ANKRD12: variants seen among roughly 807,000 people sequenced by gnomAD.
ANKRD12 encodes the protein ankyrin repeat domain 12, also known as ankyrin repeat domain-containing protein 12.
A neutral mutation model predicts 183.4 loss-of-function variants in ANKRD12; 85 were observed. That is an observed-to-expected ratio of 0.46 (90% CI 0.39 to 0.56). The LOEUF is 0.56. Among genes scored for constraint, ANKRD12 ranks in the 20% least tolerant of loss-of-function variants. ANKRD12 has a pLI of 0.00. For synonymous variants in ANKRD12, 914 were observed against 800.2 expected, an observed-to-expected ratio of 1.14 and a Z score of -2.40; for missense variants, 2,405 against 2,357.1, an observed-to-expected ratio of 1.02 and a Z score of -0.42.
At chr18:9,271,398 G>A (rs368144527) in intron 10 of ANKRD12, among the ~76,000 whole-genome samples, 15 of 152,098 alleles carry the variant, frequency 9.9e-5, no homozygotes, top group East Asian at 5.8e-4. Flanking sequence ...GGCGGCACAC[G>A]CGTTTAGCAA....
intron 2 of ANKRD12, among the ~76,000 whole-genome samples, chr18:9,192,751 G>C (rs913083341): frequency 1.3e-5 from 2 of 151,052 alleles, no homozygotes; most frequent in African/African-American, 4.9e-5. Context: ...CTGTCACCCA[G>C]CCTGGAATGC....
rs1418803035 is a variant in ANKRD12 at position 9,284,681 on chromosome 18, C to T, written c.*3555C>T. On this transcript the variant is annotated 3_prime_UTR_variant, in exon 13 of 13. Transcript: ENST00000262126. ...AAAATGGAGTTTTTTTTTAAGCCTC[C>T]ACAGAGATAGTCACCCAAAGTATTT... The T allele has an allele frequency of 6.6e-6, 1 of 151,742 alleles. No homozygotes were observed. Among genetic ancestry groups the T allele is most frequent in the Non-Finnish European group, 1.5e-5 (1 of 67,942 alleles). The allele number at this position is 151,742 out of a possible 1,614,324, so 9.4% of individuals were successfully genotyped here. A position where few individuals can be genotyped will look rare whatever the true frequency, so the allele number is the denominator to read the frequency against.
chr18:9,211,789 G>C lies in ANKRD12; in HGVS notation c.652+5G>C. The C allele has an allele frequency of 1.2e-6, 2 of 1,610,866 alleles. No homozygotes were observed. The highest frequency in any genetic ancestry group is 2.2e-5 in the South Asian group (2 of 90,894). ...TGAATGTGAAAGATTTTGCAGGTAA[G>C]ACTAGTAATTCAATACCTACTATTC... On this transcript the variant is annotated splice_donor_5th_base_variant and intron_variant, in intron 6 of 12. Transcript: ENST00000262126.
chr18:9,186,734 G>A (rs938850369), intron 2 of ANKRD12, among the ~76,000 whole-genome samples: 4 of 144,624 alleles, frequency 2.8e-5, no homozygotes, highest in Non-Finnish European at 6.1e-5. Flanking sequence ...TTTGCAATGT[G>A]TATTTCTTTG....
chr18:9,255,293 TACAAAAC>T lies in ANKRD12; in HGVS notation c.2027_2033del (p.Tyr676LeufsTer34). The T allele has an allele frequency of 6.3e-7, 1 of 1,577,440 alleles. No individual in the cohort carries two copies. The highest frequency in any genetic ancestry group is 2.0e-5 in the Admixed American group (1 of 48,792). On this transcript the variant is annotated frameshift_variant, in exon 9 of 13. Coordinates refer to ENST00000262126, the MANE Select transcript of ANKRD12 (RefSeq NM_015208.5). LOFTEE classifies it high-confidence loss of function. The stretch of plus-strand genomic sequence containing the variant: ...AGAAATTGAAGGTGAAAAGGAAAAA[TACAAAAC>T]TAAGGATAGTGCCAAAGAACTGCAG...
intron 1 of ANKRD12, among the ~76,000 whole-genome samples, chr18:9,142,051 C>T (rs1183412890): frequency 1.3e-5 from 2 of 152,114 alleles, no homozygotes; most frequent in Non-Finnish European, 2.9e-5. Context: ...TCTTAGCCAC[C>T]TTACCTTGCT....
chr18:9,186,706 C>G (rs2034087159), intron 2 of ANKRD12, among the ~76,000 whole-genome samples: 1 of 150,036 alleles, frequency 6.7e-6, no homozygotes, highest in Non-Finnish European at 1.5e-5. Context: ...GAAGGCATGA[C>G]CATCATTCAT....
chr18:9,239,987 C>G (rs1044960060), intron 8 of ANKRD12, among the ~76,000 whole-genome samples: 1 of 152,098 alleles, frequency 6.6e-6, no homozygotes, highest in African/African-American at 2.4e-5. Flanking sequence ...GAGCTTGTGC[C>G]AGAATGTCTG....
chr18:9,171,451 A>G (rs1175306948), intron 1 of ANKRD12, among the ~76,000 whole-genome samples: 1 of 152,082 alleles, frequency 6.6e-6, no homozygotes, highest in Non-Finnish European at 1.5e-5. Flanking sequence ...GTTATGTGTG[A>G]ATTTGATCCT....
chr18:9,266,799 C>T (rs2039315057), intron 10 of ANKRD12, among the ~76,000 whole-genome samples: 1 of 152,084 alleles, frequency 6.6e-6, no homozygotes, highest in South Asian at 2.1e-4. Context: ...GCTAAATGCT[C>T]CAATTAAAAG....
chr18:9,165,863 T>TC (rs1295165829), intron 1 of ANKRD12, among the ~76,000 whole-genome samples: 60 of 94,118 alleles, frequency 6.4e-4, no homozygotes, highest in South Asian at 1.0e-3. Context: ...ATGCTATCCC[T>TC]CCCCCCCTCC....
intron 1 of ANKRD12, among the ~76,000 whole-genome samples, chr18:9,180,225 G>A (rs1466702641): frequency 2.6e-5 from 4 of 152,006 alleles, no homozygotes; most frequent in Admixed American, 6.6e-5. Flanking sequence ...GTCCCTCTTC[G>A]TTCTGAAGTC....
intron 4 of ANKRD12, 57 bp downstream of exon 4, chr18:9,204,601 T>A: frequency 8.0e-7 from 1 of 1,246,262 alleles, no homozygotes; most frequent in Non-Finnish European, 1.1e-6. Context: ...CATTTACAAT[T>A]AATTATTGTA....
intron 2 of ANKRD12, among the ~76,000 whole-genome samples, chr18:9,186,195 C>T (rs1225026199): frequency 7.0e-6 from 1 of 143,122 alleles, no homozygotes; most frequent in African/African-American, 2.6e-5. Context: ...GGCTGGAGTG[C>T]AGTGGCGCGA....
At chr18:9,180,466 T>C (rs912256126) in intron 1 of ANKRD12, among the ~76,000 whole-genome samples, 2 of 152,182 alleles carry the variant, frequency 1.3e-5, no homozygotes, top group African/African-American at 2.4e-5. Flanking sequence ...GGCTTAGGTC[T>C]ATATCATTTT....
At position 9,195,510 on chromosome 18, in the gene ANKRD12, C is replaced by T. The variant is rs771788313; in HGVS notation, c.88-41C>T. ...GGGGTTTCTATACTGTATTGCTTAG[C>T]TAATATTGATATAACTTTACTCTAT... On this transcript the variant is annotated intron_variant, in intron 2 of 12. Transcript: ENST00000262126. 2.6e-5 allele frequency: 39 copies of T among 1,481,218 alleles called. No homozygotes were observed. The East Asian group carries it at 8.9e-4, about 34-fold the overall frequency. The allele number at this position is 1,481,218 out of a possible 1,614,324, so 91.8% of individuals were successfully genotyped here. A position where few individuals can be genotyped will look rare whatever the true frequency, so the allele number is the denominator to read the frequency against.
intron 4 of ANKRD12, among the ~76,000 whole-genome samples, chr18:9,205,021 G>A (rs1018963142): frequency 2.0e-5 from 3 of 152,190 alleles, no homozygotes; most frequent in South Asian, 4.2e-4. Context: ...TTCATTAGCC[G>A]TTATTGACTT....
chr18:9,147,460 T>G (rs2078530215), intron 1 of ANKRD12, among the ~76,000 whole-genome samples: 1 of 152,138 alleles, frequency 6.6e-6, no homozygotes, highest in Non-Finnish European at 1.5e-5. Flanking sequence ...ACAAAAAAAT[T>G]TATTTAGAAT....
intron 1 of ANKRD12, among the ~76,000 whole-genome samples, chr18:9,157,219 C>T (rs1385824836): frequency 1.3e-5 from 2 of 152,120 alleles, no homozygotes; most frequent in Non-Finnish European, 2.9e-5. Flanking sequence ...AGACTAGCCT[C>T]TGTAAATGTA....
Sources: gnomAD v4.1 joint callset for allele counts (sites outside exome capture counted in the v4.1 genomes callset) on GRCh38, gnomAD v4.1.1 for gene constraint, MANE v1.5 for transcripts, NCBI Gene and HGNC (gene_info 2026-07-23, HGNC 2026-07-21) for gene names.